Variants in RBPJ observed in about 807,000 individuals in gnomAD.
The protein encoded by RBPJ is recombination signal binding protein for immunoglobulin kappa J region.
Under a neutral mutation model 67.8 loss-of-function variants are expected in RBPJ, and 9 were observed. The observed-to-expected ratio is 0.13, with a 90% CI of 0.08 to 0.23. RBPJ has a LOEUF of 0.23. RBPJ is among the 10% of genes least tolerant of loss of function. The pLI is 1.00. For missense variants in RBPJ, 305 were observed against 595.6 expected, an observed-to-expected ratio of 0.51 and a Z score of 5.08; for synonymous variants, 198 against 203.3, an observed-to-expected ratio of 0.97 and a Z score of 0.22.
At chr4:26,269,836 T>C (rs1033601548) in intron 1 of RBPJ, among the ~76,000 whole-genome samples, 1 of 152,010 alleles carries the variant, frequency 6.6e-6, no homozygotes. Context: ...GAGTCAAAAC[T>C]GGCAACCCAA....
intron 1 of RBPJ, among the ~76,000 whole-genome samples, chr4:26,171,834 C>T (rs1005547383): frequency 6.6e-6 from 1 of 152,216 alleles, no homozygotes; most frequent in Non-Finnish European, 1.5e-5. Flanking sequence ...AAGGCCACCA[C>T]AGCAAAAGGG....
chr4:26,112,065 T>A, the RBPJ span: 1 of 153,014 alleles, frequency 6.5e-6, no homozygotes, highest in African/African-American at 2.4e-5. Flanking sequence ...CTCCGGAATA[T>A]TAGAGGAAGG....
At chr4:26,295,271 G>GTGTGTGTGTGTGTGTGTGT (rs1560248894) in intron 1 of RBPJ, among the ~76,000 whole-genome samples, 1 of 117,918 alleles carries the variant, frequency 8.5e-6, no homozygotes, top group African/African-American at 5.3e-5. Context: ...TGTGTGTGTG[G>GTGTGTGTGTGTGTGTGTGT]GTGTGTGTGT....
chr4:26,238,431 T>C (rs1719521826), intron 1 of RBPJ, among the ~76,000 whole-genome samples: 1 of 152,214 alleles, frequency 6.6e-6, no homozygotes, highest in African/African-American at 2.4e-5. Context: ...ATTGTATTAA[T>C]GTATCTCATA....
chr4:26,108,276 G>T, the RBPJ span, among the ~76,000 whole-genome samples: 1 of 152,136 alleles, frequency 6.6e-6, no homozygotes, highest in Non-Finnish European at 1.5e-5. Flanking sequence ...ACCCTCCCAC[G>T]AGGTGGGAGA....
chr4:26,123,871 T>A, the RBPJ span, among the ~76,000 whole-genome samples: 1 of 152,276 alleles, frequency 6.6e-6, no homozygotes, highest in African/African-American at 2.4e-5. Context: ...TCTCCTAGGA[T>A]AACAGTAGTC....
chr4:26,200,075 C>G (rs1446946646), intron 1 of RBPJ, among the ~76,000 whole-genome samples: 3 of 152,162 alleles, frequency 2.0e-5, no homozygotes, highest in Non-Finnish European at 2.9e-5. Flanking sequence ...CCTCTGGCCT[C>G]TCTTCGCCAC....
At chr4:26,394,274 T>G (rs1731871340) in intron 2 of RBPJ, among the ~76,000 whole-genome samples, 1 of 151,830 alleles carries the variant, frequency 6.6e-6, no homozygotes, top group East Asian at 1.9e-4. Context: ...TGATCCGCCC[T>G]CCTTGGCCTC....
At chr4:26,119,317 A>T in the RBPJ span, among the ~76,000 whole-genome samples, 1 of 152,222 alleles carries the variant, frequency 6.6e-6, no homozygotes, top group Non-Finnish European at 1.5e-5. Flanking sequence ...TTATATGCCC[A>T]GCTGTCAGAA....
chr4:26,185,292 A>G (rs191509988), intron 1 of RBPJ, among the ~76,000 whole-genome samples: 12 of 151,794 alleles, frequency 7.9e-5, no homozygotes, highest in South Asian at 6.3e-4. Flanking sequence ...AGTTCTTGCT[A>G]TCTCTTTTGC....
At chr4:26,242,365 T>C (rs921207996) in intron 1 of RBPJ, among the ~76,000 whole-genome samples, 1 of 149,422 alleles carries the variant, frequency 6.7e-6, no homozygotes, top group African/African-American at 2.5e-5. Flanking sequence ...GAGAATGGCG[T>C]GAACCCGAGA....
At chr4:26,221,900 C>A (rs1718920656) in intron 1 of RBPJ, among the ~76,000 whole-genome samples, 1 of 152,118 alleles carries the variant, frequency 6.6e-6, no homozygotes, top group Non-Finnish European at 1.5e-5. Context: ...AATGTGCGGC[C>A]CAGCGCTGAA....
chr4:26,191,331 A>G (rs1409529588), intron 1 of RBPJ, among the ~76,000 whole-genome samples: 1 of 149,324 alleles, frequency 6.7e-6, no homozygotes, highest in Non-Finnish European at 1.5e-5. Flanking sequence ...ATATATACAG[A>G]CTCCTCTACT....
At chr4:26,191,210 T>TAGAGAGAGAGAGAGAGAG (rs545388933) in intron 1 of RBPJ, among the ~76,000 whole-genome samples, 1 of 26,842 alleles carries the variant, frequency 3.7e-5, no homozygotes. Flanking sequence ...TATATATATA[T>TAGAGAGAGAGAGAGAGAG]AGAGAGAGAG....
At chr4:26,168,497 C>A (rs1489996238) in intron 1 of RBPJ, among the ~76,000 whole-genome samples, 1 of 152,154 alleles carries the variant, frequency 6.6e-6, no homozygotes, top group African/African-American at 2.4e-5. Flanking sequence ...TCTCTGGCTG[C>A]CCTTAACATT....
the RBPJ span, among the ~76,000 whole-genome samples, chr4:26,138,952 C>T: frequency 2.2e-4 from 33 of 152,334 alleles, no homozygotes; most frequent in African/African-American, 7.2e-4. Flanking sequence ...GATTGCTCTG[C>T]GCTCAAGAGG....
the RBPJ span, among the ~76,000 whole-genome samples, chr4:26,140,861 A>G: frequency 6.6e-6 from 1 of 151,672 alleles, no homozygotes; most frequent in African/African-American, 2.4e-5. Context: ...AAATAAATAA[A>G]TAAATAAAAT....
intron 3 of RBPJ, among the ~76,000 whole-genome samples, chr4:26,413,488 A>T (rs977187899): frequency 2.0e-5 from 3 of 152,074 alleles, no homozygotes; most frequent in South Asian, 2.1e-4. Flanking sequence ...ATTTTGTCTA[A>T]TTTTTTTGTT....
intron 1 of RBPJ, among the ~76,000 whole-genome samples, chr4:26,385,510 C>T (rs1577579074): frequency 6.6e-6 from 1 of 152,284 alleles, no homozygotes; most frequent in South Asian, 2.1e-4. Context: ...GAGTCTTTAT[C>T]TTAACTGCCA....
Sources: gnomAD v4.1 joint callset for allele counts (sites outside exome capture counted in the v4.1 genomes callset) on GRCh38, gnomAD v4.1.1 for gene constraint, MANE v1.5 for transcripts, NCBI Gene and HGNC (gene_info 2026-07-23, HGNC 2026-07-21) for gene names.